The following CRADD variants were observed in gnomAD, a reference collection of about 807,000 sequenced individuals.
CRADD encodes the protein CARD and death domain containing adaptor protein, also known as death domain-containing protein CRADD.
In CRADD, 9 loss-of-function variants were observed where a neutral mutation model predicts 15.5. That is an observed-to-expected ratio of 0.58 (90% CI 0.35 to 1.01). CRADD has a LOEUF of 1.01. CRADD is among the 50% of genes least tolerant of loss of function. CRADD has a pLI of 0.02. For missense variants in CRADD, 227 were observed against 250.3 expected (o/e 0.91, Z 0.63); for synonymous variants, 118 against 107.6 (o/e 1.10, Z -0.60).
At chr12:93,780,854 TCTCAGC>T (rs61130312) in intron 2 of CRADD, among the ~76,000 whole-genome samples, 78,163 of 149,624 alleles carry the variant, frequency 0.52, 20,822 homozygotes, top group East Asian at 0.69. Context: ...GATTCTCATA[TCTCAGC>T]CTCAGCCTCC....
intron 1 of CRADD, among the ~76,000 whole-genome samples, 174 bp from the exon 2 acceptor site, chr12:93,678,595 A>T (rs1196674659): frequency 6.6e-6 from 1 of 152,214 alleles, no homozygotes; most frequent in East Asian, 1.9e-4. Flanking sequence ...TTATGTTAGG[A>T]AACATTCAAA....
chr12:93,762,051 C>T (rs1173567727), intron 2 of CRADD, among the ~76,000 whole-genome samples: 1 of 152,200 alleles, frequency 6.6e-6, no homozygotes, highest in Non-Finnish European at 1.5e-5. Flanking sequence ...AGATTCAACT[C>T]AGCAGAAGGA....
At chr12:93,796,041 T>C (rs1334347992) in intron 2 of CRADD, among the ~76,000 whole-genome samples, 3 of 152,212 alleles carry the variant, frequency 2.0e-5, no homozygotes, top group Non-Finnish European at 2.9e-5. Flanking sequence ...AAGTTGGAAC[T>C]GCTAAATATT....
Position 93,850,719 on chromosome 12 carries a change from G to A in CRADD, c.*448G>A, listed in dbSNP as rs990613228. The stretch of plus-strand genomic sequence containing the variant: ...ATTCATAATGATAAAATAATAAAAT[G>A]CGAATTACTATATATAATGTGCCTC... On this transcript the variant is annotated 3_prime_UTR_variant, in exon 3 of 3. Coordinates refer to ENST00000332896, the MANE Select transcript of CRADD (RefSeq NM_003805.5). The surrounding 1 kb of genome is among the most constrained non-coding windows in gnomAD (Gnocchi z 4.0). 1 of 984,420 alleles carries A rather than the reference G, an allele frequency of 1.0e-6. No individual in the cohort carries two copies. The highest frequency in any genetic ancestry group is 1.8e-5 in the African/African-American group (1 of 57,050). The allele number at this position is 984,420 out of a possible 1,614,324, so 61.0% of individuals were successfully genotyped here.
chr12:93,709,111 A>G (rs1418012180), intron 2 of CRADD: 1 of 152,274 alleles, frequency 6.6e-6, no homozygotes, highest in Admixed American at 6.5e-5. Context: ...AGAGAAGCAG[A>G]AAGTTACATA....
At chr12:93,723,985 A>T (rs1046989873) in intron 2 of CRADD, among the ~76,000 whole-genome samples, 4 of 152,200 alleles carry the variant, frequency 2.6e-5, no homozygotes, top group African/African-American at 9.7e-5. Context: ...GCTTCTCCTG[A>T]GGACAGGCCT....
chr12:93,718,527 A>C (rs1956202245), intron 2 of CRADD, among the ~76,000 whole-genome samples: 1 of 152,100 alleles, frequency 6.6e-6, no homozygotes, highest in South Asian at 2.1e-4. Flanking sequence ...TCTTCTTATA[A>C]TTGCTTATTA....
intron 2 of CRADD, among the ~76,000 whole-genome samples, chr12:93,798,946 T>C (rs1957448991): frequency 6.6e-6 from 1 of 151,898 alleles, no homozygotes. Flanking sequence ...CTTACTGCTT[T>C]AGGAGCCCTG....
At chr12:93,773,813 GTT>G (rs3030268) in intron 2 of CRADD, among the ~76,000 whole-genome samples, 87 of 87,554 alleles carry the variant, frequency 9.9e-4, no homozygotes, top group African/African-American at 3.8e-3. Context: ...TACTTTGTGA[GTT>G]TTTTTTTTTT....
chr12:93,770,771 C>G (rs1168190974), intron 2 of CRADD, among the ~76,000 whole-genome samples: 1 of 152,226 alleles, frequency 6.6e-6, no homozygotes, highest in Non-Finnish European at 1.5e-5. Flanking sequence ...TATTCTTGAT[C>G]CTTCACATTT....
At chr12:93,769,285 C>T (rs527666391) in intron 2 of CRADD, among the ~76,000 whole-genome samples, 2 of 152,050 alleles carry the variant, frequency 1.3e-5, no homozygotes, top group East Asian at 1.9e-4. Context: ...GGTTTCTCCA[C>T]GTTGCCCAGG....
At chr12:93,809,494 G>A (rs1416418913) in intron 2 of CRADD, among the ~76,000 whole-genome samples, 1 of 152,152 alleles carries the variant, frequency 6.6e-6, no homozygotes, top group Non-Finnish European at 1.5e-5. Flanking sequence ...TTTCTTTGAT[G>A]TGAATTGGGT....
intron 2 of CRADD, among the ~76,000 whole-genome samples, chr12:93,882,137 A>G (rs1958506481): frequency 1.3e-5 from 2 of 149,362 alleles, no homozygotes; most frequent in Admixed American, 1.3e-4. Flanking sequence ...AAAAATTAAA[A>G]AAGGCCAGGC....
downstream of CRADD, among the ~76,000 whole-genome samples, chr12:93,852,839 G>T (rs1958239893): frequency 1.7e-5 from 1 of 58,966 alleles, no homozygotes; most frequent in Non-Finnish European, 4.4e-5. Context: ...GGGTTGGAGT[G>T]TGTGTGTGTG....
At chr12:93,787,818 G>A (rs1957296969) in intron 2 of CRADD, among the ~76,000 whole-genome samples, 1 of 152,120 alleles carries the variant, frequency 6.6e-6, no homozygotes. Flanking sequence ...AACATCTTTT[G>A]GAGTCCACTG....
intron 2 of CRADD, among the ~76,000 whole-genome samples, chr12:93,695,732 G>A (rs953144679): frequency 6.6e-5 from 10 of 152,140 alleles, no homozygotes; most frequent in Non-Finnish European, 1.3e-4. Flanking sequence ...GTGAAACCCT[G>A]TCTCTACTAA....
chr12:93,894,598 C>A (rs1016211391), exon 3 of CRADD: 1 of 156,254 alleles, frequency 6.4e-6, no homozygotes, highest in Non-Finnish European at 1.4e-5. Flanking sequence ...GTGCATCAGC[C>A]GGAGCTGATG....
At chr12:93,702,869 C>G (rs1955867946) in intron 2 of CRADD, among the ~76,000 whole-genome samples, 1 of 152,148 alleles carries the variant, frequency 6.6e-6, no homozygotes, top group South Asian at 2.1e-4. Context: ...TCTGGAGGCT[C>G]TTGAGAGCTG....
rs570344190 is a variant in CRADD, at chr12:93,686,613, A to G, written c.298+7541A>G. Among the ~76,000 whole-genome samples the G allele has an allele frequency of 7.2e-5, 11 of 152,372 alleles. No homozygotes were observed. In the East Asian group the frequency reaches 1.9e-3, roughly 27 times the overall value. On this transcript the variant is annotated intron_variant, in intron 2 of 2. Transcript: ENST00000332896. ...TTTTAAACACATTTACTTGCTAGTG[A>G]AACAAAGTCAGCAAGATGGAGCCAT...
Sources: gnomAD v4.1 joint callset for allele counts (sites outside exome capture counted in the v4.1 genomes callset) on GRCh38, gnomAD v4.1.1 for gene constraint, Gnocchi (gnomAD v3.1) non-coding constraint, MANE v1.5 for transcripts, NCBI Gene and HGNC (gene_info 2026-07-23, HGNC 2026-07-21) for gene names.